The following DOK6 variants were observed in gnomAD, a reference collection of about 807,000 sequenced individuals.
DOK6 encodes the protein docking protein 6, also known as downstream of tyrosine kinase 6.
Under a neutral mutation model 44.0 loss-of-function variants are expected in DOK6, and 22 were observed. The observed-to-expected ratio is 0.50, with a 90% CI of 0.36 to 0.71. DOK6 has a LOEUF of 0.71. DOK6 is among the 30% of genes least tolerant of loss of function. The probability of loss-of-function intolerance (pLI) is 0.00; values close to 1 mark genes in which losing one functional copy is unlikely to be tolerated. For synonymous variants in DOK6, 166 were observed against 145.5 expected (o/e 1.14, Z -1.01); for missense variants, 340 against 416.4 (o/e 0.82, Z 1.60).
chr18:69,526,001 T>C (rs1981820869), intron 1 of DOK6, among the ~76,000 whole-genome samples: 2 of 152,098 alleles, frequency 1.3e-5, no homozygotes, highest in African/African-American at 2.4e-5. Context: ...AGCCAGTATG[T>C]ATATAAATAT....
intron 2 of DOK6, among the ~76,000 whole-genome samples, chr18:69,577,207 G>T (rs1983259497): frequency 6.6e-6 from 1 of 152,120 alleles, no homozygotes; most frequent in Non-Finnish European, 1.5e-5. Flanking sequence ...TAGAAGAAAA[G>T]GCATTGGTAA....
At chr18:69,746,263 A>T (rs751291132) in intron 6 of DOK6, among the ~76,000 whole-genome samples, 12 of 151,982 alleles carry the variant, frequency 7.9e-5, no homozygotes, top group Non-Finnish European at 1.0e-4. Context: ...TATTTATTTA[A>T]TTATTTATTT....
chr18:69,535,175 G>A (rs191852435), intron 1 of DOK6, among the ~76,000 whole-genome samples: 10 of 152,172 alleles, frequency 6.6e-5, no homozygotes, highest in African/African-American at 1.7e-4. Flanking sequence ...ATCACCGTAC[G>A]TTGTGCATGT....
chr18:69,835,416 A>G lies in DOK6; in HGVS notation c.857-5828A>G, dbSNP rs1029299535. On this transcript the variant is annotated intron_variant, in intron 7 of 7. Transcript: ENST00000382713. ...GGAGGTGGAGCTTGCAGTGAGCCAA[A>G]ATCGCACCACTGCACTCCAGCCTGG... Among the ~76,000 whole-genome samples the G allele has an allele frequency of 1.1e-4, 16 of 152,016 alleles. 1 individual carries two copies. The South Asian group carries it at 1.5e-3, about 14-fold the overall frequency.
intron 1 of DOK6, among the ~76,000 whole-genome samples, chr18:69,429,447 T>TC (rs1365353345): frequency 6.6e-6 from 1 of 151,444 alleles, no homozygotes; most frequent in Non-Finnish European, 1.5e-5. Flanking sequence ...CATGGATATT[T>TC]TATATTTCTA....
chr18:69,824,183 T>C (rs1001179258), intron 7 of DOK6, among the ~76,000 whole-genome samples: 29 of 54,376 alleles, frequency 5.3e-4, no homozygotes, highest in South Asian at 1.3e-3. Flanking sequence ...CTCCTAATGC[T>C]ATCCCTCCCC....
chr18:69,448,147 T>G (rs1204651311), intron 1 of DOK6, among the ~76,000 whole-genome samples: 1 of 152,202 alleles, frequency 6.6e-6, no homozygotes, highest in East Asian at 1.9e-4. Flanking sequence ...GCAGACAACT[T>G]AAAATGCCAC....
In DOK6 at chr18:69,759,810, A is replaced by T. The variant is rs143179325; in HGVS notation, c.856+1937A>T. 2.1e-3 allele frequency among the ~76,000 whole-genome samples: 318 copies of T among 152,280 alleles called. 2 individuals carry two copies. The highest frequency in any genetic ancestry group is 7.5e-3 in the African/African-American group (312 of 41,576). On this transcript the variant is annotated intron_variant, in intron 7 of 7. Transcript: ENST00000382713. Reference sequence around the variant, plus strand: ...TGACATGCCTTTTCAATTACAATTTACTTAATCTCAGTATTTCATGTTTCT... The same window carrying T: ...TGACATGCCTTTTCAATTACAATTTTCTTAATCTCAGTATTTCATGTTTCT...
At chr18:69,585,273 CT>C (rs2144612943) in intron 2 of DOK6, among the ~76,000 whole-genome samples, 1 of 151,538 alleles carries the variant, frequency 6.6e-6, no homozygotes, top group East Asian at 1.9e-4. Context: ...TAGAAATCTG[CT>C]ATTTATTTTT....
At chr18:69,499,964 A>G (rs115433282) in intron 1 of DOK6, among the ~76,000 whole-genome samples, 353 of 152,260 alleles carry the variant, frequency 2.3e-3, no homozygotes, top group African/African-American at 8.2e-3. Context: ...CCAAGCCACT[A>G]TTGGACTTCT....
At chr18:69,442,107 G>GT (rs555641957) in intron 1 of DOK6, among the ~76,000 whole-genome samples, 3 of 152,064 alleles carry the variant, frequency 2.0e-5, no homozygotes, top group Admixed American at 6.5e-5. Context: ...TTTACCTTGT[G>GT]TTTTTTTAAA....
rs549784591 is a variant in DOK6 at position 69,822,373 on chromosome 18, G to A, written c.857-18871G>A. Among the ~76,000 whole-genome samples, 229 of 152,304 alleles carry A rather than the reference G, an allele frequency of 1.5e-3. No homozygotes were observed. In the Middle Eastern group the frequency reaches 0.017, roughly 11 times the overall value. On this transcript the variant is annotated intron_variant, in intron 7 of 7. Transcript: ENST00000382713. ...GAGACTGCTGGGTCAGAGACAATGG[G>A]CAGTTTATTACTCATAGCAATTGCA...
chr18:69,407,207 T>TA (rs1377358691), intron 1 of DOK6, among the ~76,000 whole-genome samples: 8 of 152,254 alleles, frequency 5.3e-5, no homozygotes, highest in Admixed American at 5.2e-4. Context: ...GTAGGACAAT[T>TA]AAGTATTTGT....
At chr18:69,809,322 C>G (rs183934562) in intron 7 of DOK6, among the ~76,000 whole-genome samples, 1 of 151,764 alleles carries the variant, frequency 6.6e-6, no homozygotes, top group East Asian at 1.9e-4. Flanking sequence ...GAAAGGCCAT[C>G]TATGACAAAC....
At chr18:69,590,887 G>C (rs1252672886) in intron 2 of DOK6, among the ~76,000 whole-genome samples, 1 of 152,116 alleles carries the variant, frequency 6.6e-6, no homozygotes, top group African/African-American at 2.4e-5. Context: ...AGATGTTGTG[G>C]GTCCAGGAGG....
intron 1 of DOK6, among the ~76,000 whole-genome samples, chr18:69,505,491 CTT>C (rs772908185): frequency 2.8e-4 from 25 of 88,544 alleles, no homozygotes; most frequent in Admixed American, 7.2e-4. Context: ...TACTCCCATT[CTT>C]TTTTTTTTTT....
chr18:69,771,393 A>G (rs1221347921), intron 7 of DOK6, among the ~76,000 whole-genome samples: 2 of 152,028 alleles, frequency 1.3e-5, no homozygotes, highest in African/African-American at 4.8e-5. Context: ...TGCAAACTCT[A>G]GTTTATTTAA....
chr18:69,673,834 T>C (rs978966459), intron 3 of DOK6, among the ~76,000 whole-genome samples: 5 of 152,216 alleles, frequency 3.3e-5, no homozygotes, highest in Non-Finnish European at 4.4e-5. Flanking sequence ...AAGCACTTCA[T>C]CATGAAGAGA....
intron 6 of DOK6, among the ~76,000 whole-genome samples, chr18:69,742,169 C>T (rs1018446250): frequency 2.0e-5 from 3 of 151,958 alleles, no homozygotes; most frequent in African/African-American, 7.3e-5. Flanking sequence ...AATCCCAGCA[C>T]TTTAGGAGGC....
Sources: gnomAD v4.1 joint callset for allele counts (sites outside exome capture counted in the v4.1 genomes callset) on GRCh38, gnomAD v4.1.1 for gene constraint, MANE v1.5 for transcripts, NCBI Gene and HGNC (gene_info 2026-07-23, HGNC 2026-07-21) for gene names.